Variants in SCN7A observed in about 807,000 individuals in gnomAD.
SCN7A encodes the protein sodium channel protein type 7 subunit alpha.
SCN7A carries 138 observed loss-of-function variants against 155.2 expected under a neutral mutation model. The observed-to-expected ratio is 0.89, with a 90% CI of 0.77 to 1.02. The LOEUF (loss-of-function observed/expected upper bound fraction) is 1.02, where lower values mean the gene tolerates loss of function less well. Ranked by LOEUF, SCN7A falls within the 50% of genes least tolerant of loss-of-function variation. The pLI, the probability that SCN7A is intolerant of heterozygous loss-of-function variation, is 0.00. For missense variants in SCN7A, 2,058 were observed against 1,986.6 expected (o/e 1.04, Z -0.68); for synonymous variants, 693 against 649.0 (o/e 1.07, Z -1.03).
chr2:166,475,119 T>TATATATATATAC (rs763878028), intron 3 of SCN7A, among the ~76,000 whole-genome samples: 1 of 130,168 alleles, frequency 7.7e-6, no homozygotes, highest in African/African-American at 2.8e-5. Context: ...TATATATATA[T>TATATATATATAC]ACATATATAT....
chr2:166,410,432 A>C, intron 23 of SCN7A, 108 bp from the exon 24 acceptor site: 3 of 736,786 alleles, frequency 4.1e-6, no homozygotes, highest in African/African-American at 1.8e-5. Flanking sequence ...TCTTCTAAAA[A>C]AAAGGCTTAA....
chr2:166,485,702 C>A (rs140094862), intron 2 of SCN7A, among the ~76,000 whole-genome samples: 1 of 152,216 alleles, frequency 6.6e-6, no homozygotes, highest in African/African-American at 2.4e-5. Context: ...ATCTTTGATT[C>A]CCTACCAGTA....
At chr2:166,484,694 C>G (rs1349480562) in intron 2 of SCN7A, among the ~76,000 whole-genome samples, 1 of 151,836 alleles carries the variant, frequency 6.6e-6, no homozygotes, top group Non-Finnish European at 1.5e-5. Flanking sequence ...AAAAATGACA[C>G]ATTATAAATT....
chr2:166,447,845 T>C, intron 11 of SCN7A, 137 bp from the exon 12 acceptor site: 1 of 643,818 alleles, frequency 1.6e-6, no homozygotes, highest in Non-Finnish European at 2.7e-6. Context: ...TACATAATCA[T>C]TGTACATATT....
In SCN7A at chr2:166,423,425, T is replaced by C; in HGVS notation, c.2861A>G (p.Glu954Gly). The change falls in exon 19 of 26, where the codon GAA (glutamate) becomes GGA (glycine). Residue 954 changes from glutamate to glycine, a missense_variant. Coordinates refer to ENST00000643258, the MANE Select transcript of SCN7A (RefSeq NM_002976.4). ...TLLSTGTLAFEDIYMDQRKTI... is the reference protein window; with the variant it reads ...TLLSTGTLAFGDIYMDQRKTI... ...CTTTCTCTGATCCATATATATATCT[T>C]CAAAAGCCTGTGGGTAAAAATAAAA... 2 of 1,543,556 alleles carry C rather than the reference T, an allele frequency of 1.3e-6. No individual in the cohort carries two copies. Among genetic ancestry groups the C allele is most frequent in the Non-Finnish European group, 1.7e-6 (2 of 1,151,628 alleles).
intron 1 of SCN7A, among the ~76,000 whole-genome samples, chr2:166,489,432 T>C (rs1029942632): frequency 6.6e-6 from 1 of 152,218 alleles, no homozygotes; most frequent in African/African-American, 2.4e-5. Context: ...ACGCACCATG[T>C]GTATGTATTA....
Position 166,472,398 on chromosome 2 carries a change from A to C in SCN7A, c.491T>G (p.Phe164Cys). 6.2e-7 allele frequency: 1 copy of C among 1,607,708 alleles called. No individual in the cohort carries two copies. Among genetic ancestry groups the C allele is most frequent in the Non-Finnish European group, 8.5e-7 (1 of 1,176,032 alleles). Residue 164 changes from phenylalanine (F) to cysteine (C), a missense_variant, in exon 6 of 26, where the codon TTT (phenylalanine) becomes TGT (cysteine). Physicochemically the swap from Phe to Cys is radical, Grantham distance 205 (BLOSUM62 -2). Coordinates refer to ENST00000643258, the MANE Select transcript of SCN7A (RefSeq NM_002976.4). ...TGATCCTGCCCAGACACCTCTTGCA[A>C]AGAGTTTTACAAGTATTTCAAATGT... is the stretch of plus-strand genomic sequence containing the variant. ...IYTFEILVKL[F>C]ARGVWAGSFS...
Position 166,456,903 on chromosome 2 carries a change from TCCAG to T in SCN7A, c.1253_1256del (p.Thr418LysfsTer18). On this transcript the variant is annotated frameshift_variant, in exon 11 of 26. Transcript: ENST00000643258. LOFTEE classifies it high-confidence loss of function. Reference sequence around the variant, plus strand: ...TTTCATTTCCTTCTTGAAGTTCTTTTCCAGTCTGTTGAAATTTTGGTTCAATCTT... The same window carrying T: ...TTTCATTTCCTTCTTGAAGTTCTTTTTCTGTTGAAATTTTGGTTCAATCTT... The T allele has an allele frequency of 1.9e-6, 3 of 1,552,138 alleles. No homozygotes were observed. Among genetic ancestry groups the T allele is most frequent in the Non-Finnish European group, 1.7e-6 (2 of 1,146,990 alleles).
chr2:166,463,398 A>G (rs1702456318), intron 9 of SCN7A, among the ~76,000 whole-genome samples: 1 of 152,118 alleles, frequency 6.6e-6, no homozygotes, highest in Non-Finnish European at 1.5e-5. Flanking sequence ...GAACAAGGAG[A>G]GATTTAAAAA....
chr2:166,424,771 T>A (rs1406377351), intron 18 of SCN7A, among the ~76,000 whole-genome samples: 1 of 151,916 alleles, frequency 6.6e-6, no homozygotes, highest in African/African-American at 2.4e-5. Flanking sequence ...TCACTAAGGC[T>A]CCCATCGTAG....
intron 1 of SCN7A, among the ~76,000 whole-genome samples, chr2:166,491,811 G>A (rs1683114385): frequency 6.6e-6 from 1 of 152,118 alleles, no homozygotes; most frequent in Admixed American, 6.6e-5. Flanking sequence ...AAAATGGTTA[G>A]TGGAAATAAT....
chr2:166,483,118 C>T (rs573126327), intron 2 of SCN7A, among the ~76,000 whole-genome samples: 2 of 152,036 alleles, frequency 1.3e-5, no homozygotes, highest in East Asian at 3.9e-4. Flanking sequence ...ATATTGTTGA[C>T]TGAAGTGGAA....
intron 2 of SCN7A, among the ~76,000 whole-genome samples, chr2:166,479,714 C>T (rs955658568): frequency 6.6e-6 from 1 of 151,992 alleles, no homozygotes; most frequent in African/African-American, 2.4e-5. Flanking sequence ...TATACTTTGA[C>T]TGAGCCCAGC....
intron 23 of SCN7A, among the ~76,000 whole-genome samples, chr2:166,411,132 G>GT (rs113692702): frequency 4.3e-4 from 65 of 152,134 alleles, no homozygotes; most frequent in African/African-American, 1.4e-3. Context: ...ATATACAGTA[G>GT]TCCCCCCTTA....
In SCN7A at chr2:166,409,800, G is replaced by C; in HGVS notation, c.3847C>G (p.Leu1283Val). ...DVQSLQMSIALYWINSIFVML... is the reference protein window; with the variant it reads ...DVQSLQMSIAVYWINSIFVML... ...ACAAAAATTGAGTTAATCCAGTAGAGAGCAATGGACATTTGTAGACTCTGA... is the reference window on the plus strand; with the variant it reads ...ACAAAAATTGAGTTAATCCAGTAGACAGCAATGGACATTTGTAGACTCTGA... The change falls in exon 25 of 26, where the codon CTC becomes GTC. Residue 1283 changes from leucine (L) to valine (V), a missense_variant. Leu to Val is a conservative substitution (Grantham distance 32). Transcript: ENST00000643258. The C allele has an allele frequency of 6.4e-7, 1 of 1,573,266 alleles. No individual in the cohort carries two copies. The highest frequency in any genetic ancestry group is 8.6e-7 in the Non-Finnish European group (1 of 1,157,008).
chr2:166,470,631 A>C lies in SCN7A; in HGVS notation c.648T>G (p.Ile216Met), dbSNP rs1702633046. The C allele has an allele frequency of 1.2e-6, 2 of 1,606,474 alleles. No homozygotes were observed. Among genetic ancestry groups the C allele is most frequent in the Middle Eastern group, 1.7e-4 (1 of 5,940 alleles). The change falls in exon 7 of 26, where the codon ATT (isoleucine) becomes ATG (methionine). Residue 216 changes from isoleucine (I) to methionine (M), a missense_variant. Ile to Met is a conservative substitution (Grantham distance 10, BLOSUM62 1). Coordinates refer to ENST00000643258, the MANE Select transcript of SCN7A (RefSeq NM_002976.4). ...QTARTLRILK[I>M]IPLNQGLKSL... ...ATTTCTTACCTTGATTTAAAGGAATAATTTTTAAAATTCTCAAAGTTCTTG... is the reference window on the plus strand; with the variant it reads ...ATTTCTTACCTTGATTTAAAGGAATCATTTTTAAAATTCTCAAAGTTCTTG...
At chr2:166,484,795 A>G (rs11680498) in intron 2 of SCN7A, among the ~76,000 whole-genome samples, 23,688 of 151,944 alleles carry the variant, frequency 0.16, 2,017 homozygotes, top group East Asian at 0.33. Flanking sequence ...AAAGGTGTCA[A>G]AGGGAAAAGA....
chr2:166,414,133 ATATG>A (rs1295274125), intron 21 of SCN7A, among the ~76,000 whole-genome samples: 4 of 79,924 alleles, frequency 5.0e-5, no homozygotes, highest in Non-Finnish European at 8.9e-5. Context: ...TATATTATAT[ATATG>A]TAAATATATA....
intron 11 of SCN7A, among the ~76,000 whole-genome samples, chr2:166,453,336 T>C (rs1037456818): frequency 6.6e-6 from 1 of 152,194 alleles, no homozygotes; most frequent in African/African-American, 2.4e-5. Flanking sequence ...ATAATTCACT[T>C]CTAAAATGTG....
Sources: gnomAD v4.1 joint callset for allele counts (sites outside exome capture counted in the v4.1 genomes callset) on GRCh38, gnomAD v4.1.1 for gene constraint, MANE v1.5 for transcripts, NCBI Gene and HGNC (gene_info 2026-07-23, HGNC 2026-07-21) for gene names.